Variants in NXPH2 observed in about 807,000 individuals in gnomAD.
The protein encoded by NXPH2 is neurexophilin 2.
A neutral mutation model predicts 19.8 loss-of-function variants in NXPH2; 5 were observed. The observed-to-expected ratio is 0.25, with a 90% CI of 0.13 to 0.53. The LOEUF (loss-of-function observed/expected upper bound fraction) is 0.53. NXPH2 is among the 20% of genes least tolerant of loss of function. NXPH2 has a pLI of 0.96. For synonymous variants in NXPH2, 154 were observed against 127.4 expected (o/e 1.21, Z -1.41); for missense variants, 289 against 322.8 (o/e 0.90, Z 0.80).
chr2:138,680,997 C>T (rs1231715205), intron 1 of NXPH2, among the ~76,000 whole-genome samples: 1 of 152,136 alleles, frequency 6.6e-6, no homozygotes, highest in African/African-American at 2.4e-5. Flanking sequence ...TTGCAGCTAC[C>T]AGCTACAGAG....
At chr2:138,702,883 G>A (rs535524532) in intron 1 of NXPH2, among the ~76,000 whole-genome samples, 56 of 152,166 alleles carry the variant, frequency 3.7e-4, no homozygotes, top group African/African-American at 1.3e-3. Flanking sequence ...AAGAAGGAAG[G>A]GAAAAAGAAC....
chr2:138,766,022 T>C (rs901117515), intron 1 of NXPH2, among the ~76,000 whole-genome samples: 2 of 152,068 alleles, frequency 1.3e-5, no homozygotes, highest in African/African-American at 2.4e-5. Context: ...CAAAACGAAA[T>C]GTGTGACAGT....
intron 1 of NXPH2, 94 bp downstream of exon 1, chr2:138,780,097 A>T: frequency 7.8e-7 from 1 of 1,275,498 alleles, no homozygotes; most frequent in Admixed American, 3.3e-5. Context: ...CTTCCCAAGC[A>T]GGCCCAGGCT....
At chr2:138,745,336 G>C (rs1681707723) in intron 1 of NXPH2, among the ~76,000 whole-genome samples, 1 of 152,158 alleles carries the variant, frequency 6.6e-6, no homozygotes, top group Non-Finnish European at 1.5e-5. Context: ...GCATACGAGT[G>C]TCAACTTGCC....
At chr2:138,675,900 T>G (rs1045123171) in intron 1 of NXPH2, among the ~76,000 whole-genome samples, 1 of 152,124 alleles carries the variant, frequency 6.6e-6, no homozygotes, top group Admixed American at 6.5e-5. Context: ...GTTTCTCTCT[T>G]CCAGTGACAG....
In NXPH2 at chr2:138,731,504, T is replaced by A. The variant is rs13013572; in HGVS notation, c.51+48687A>T. 7.2e-5 allele frequency among the ~76,000 whole-genome samples: 11 copies of A among 152,066 alleles called. No individual in the cohort carries two copies. The South Asian group carries it at 2.3e-3, about 32-fold the overall frequency. On this transcript the variant is annotated intron_variant, in intron 1 of 1. Transcript: ENST00000272641. The stretch of plus-strand genomic sequence containing the variant: ...CTGTTTGTCATCATCTCTCTGGGCT[T>A]TGACAATTTAAGGTAAGAGTCATGA...
At chr2:138,736,129 A>G (rs1055373805) in intron 1 of NXPH2, among the ~76,000 whole-genome samples, 9 of 152,140 alleles carry the variant, frequency 5.9e-5, no homozygotes, top group African/African-American at 2.2e-4. Context: ...TGGATCTATC[A>G]TTCTGGGGTC....
chr2:138,744,603 C>G (rs147550072), intron 1 of NXPH2, among the ~76,000 whole-genome samples: 1 of 152,168 alleles, frequency 6.6e-6, no homozygotes, highest in African/African-American at 2.4e-5. Flanking sequence ...ATTTAATCTA[C>G]TATCTTCCCT....
chr2:138,757,265 A>G (rs1681924679), intron 1 of NXPH2, among the ~76,000 whole-genome samples: 2 of 152,146 alleles, frequency 1.3e-5, no homozygotes, highest in African/African-American at 4.8e-5. Context: ...ATTTCCTTCT[A>G]TGCTGGGTTA....
Position 138,733,354 on chromosome 2 carries a change from T to A in NXPH2, c.51+46837A>T, listed in dbSNP as rs998256218. ...AGTTACACATATTGAGAAAAACATC[T>A]GAATTTAAACAGGGGCTGAATGAAG... On this transcript the variant is annotated intron_variant, in intron 1 of 1. Coordinates refer to ENST00000272641, the MANE Select transcript of NXPH2 (RefSeq NM_007226.3). Among the ~76,000 whole-genome samples, 49 of 152,320 alleles carry A rather than the reference T, an allele frequency of 3.2e-4. 1 individual carries two copies. Among genetic ancestry groups the A allele is most frequent in the African/African-American group, 1.1e-3 (46 of 41,576 alleles).
At chr2:138,701,577 G>C (rs1010526603) in intron 1 of NXPH2, among the ~76,000 whole-genome samples, 2 of 152,164 alleles carry the variant, frequency 1.3e-5, no homozygotes, top group Non-Finnish European at 2.9e-5. Flanking sequence ...TTTGGGTCAG[G>C]TGGGTATCAT....
At chr2:138,707,575 C>T (rs1681036143) in intron 1 of NXPH2, among the ~76,000 whole-genome samples, 1 of 152,130 alleles carries the variant, frequency 6.6e-6, no homozygotes, top group Non-Finnish European at 1.5e-5. Flanking sequence ...TCACTTTCCT[C>T]TCACTAAATA....
intron 1 of NXPH2, among the ~76,000 whole-genome samples, chr2:138,729,971 T>A (rs1238355594): frequency 6.6e-6 from 1 of 152,142 alleles, no homozygotes; most frequent in Non-Finnish European, 1.5e-5. Flanking sequence ...GTCCTGGAGG[T>A]TAAAAGTCCA....
chr2:138,698,527 T>A (rs1207217327), intron 1 of NXPH2, among the ~76,000 whole-genome samples: 1 of 152,126 alleles, frequency 6.6e-6, no homozygotes, highest in Non-Finnish European at 1.5e-5. Flanking sequence ...TATTCCCAGA[T>A]GAAGGTGAAC....
intron 1 of NXPH2, among the ~76,000 whole-genome samples, chr2:138,770,326 T>A (rs1682157885): frequency 6.6e-6 from 1 of 152,080 alleles, no homozygotes; most frequent in Non-Finnish European, 1.5e-5. Flanking sequence ...AGCCAGTGTA[T>A]CTAAATAAAA....
At chr2:138,724,735 T>G (rs952189942) in intron 1 of NXPH2, among the ~76,000 whole-genome samples, 1 of 152,224 alleles carries the variant, frequency 6.6e-6, no homozygotes, top group Non-Finnish European at 1.5e-5. Flanking sequence ...ATGTGTGTGT[T>G]TTTTTGTCCA....
At chr2:138,714,619 A>G (rs1240392288) in intron 1 of NXPH2, among the ~76,000 whole-genome samples, 1 of 152,074 alleles carries the variant, frequency 6.6e-6, no homozygotes, top group East Asian at 1.9e-4. Context: ...CACTTCTATT[A>G]CTGGTCTGAT....
In NXPH2 at chr2:138,780,380, C is replaced by A. The variant is rs1033641631; in HGVS notation, c.-139G>T. 11 of 214,958 alleles carry A rather than the reference C, an allele frequency of 5.1e-5. No homozygotes were observed. The highest frequency in any genetic ancestry group is 2.0e-4 in the East Asian group (1 of 4,938). 13.3% of individuals were successfully genotyped at this position (214,958 alleles called of 1,614,324 possible). A position where few individuals can be genotyped will look rare whatever the true frequency, so the allele number is the denominator to read the frequency against. On this transcript the variant is annotated 5_prime_UTR_variant, in exon 1 of 2. Coordinates refer to ENST00000272641, the MANE Select transcript of NXPH2 (RefSeq NM_007226.3). Reference sequence around the variant, plus strand: ...CCGGAATCCGAGCGCTGCGCCGTGCCGCGCAGCTCTGGCCGGGTGGGCGGG... The same window carrying A: ...CCGGAATCCGAGCGCTGCGCCGTGCAGCGCAGCTCTGGCCGGGTGGGCGGG...
At position 138,671,542 on chromosome 2, in the gene NXPH2, A is replaced by T; in HGVS notation, c.175T>A (p.Phe59Ile). ...TTGGGCACCGGAGACTGTTTAACAA[A>T]CAGGCGCAGGGGACTGATGATCCTT... ...HSRIISPLRL[F>I]VKQSPVPKPG... The change falls in exon 2 of 2, where the codon TTT (phenylalanine) becomes ATT (isoleucine). Residue 59 changes from phenylalanine (F) to isoleucine (I), a missense_variant. Coordinates refer to ENST00000272641, the MANE Select transcript of NXPH2 (RefSeq NM_007226.3). The T allele has an allele frequency of 6.2e-7, 1 of 1,613,966 alleles. No individual in the cohort carries two copies. Among genetic ancestry groups the T allele is most frequent in the Non-Finnish European group, 8.5e-7 (1 of 1,179,862 alleles).
Sources: gnomAD v4.1 joint callset for allele counts (sites outside exome capture counted in the v4.1 genomes callset) on GRCh38, gnomAD v4.1.1 for gene constraint, MANE v1.5 for transcripts, NCBI Gene and HGNC (gene_info 2026-07-23, HGNC 2026-07-21) for gene names.